Variants in GRM4 observed in about 807,000 individuals in gnomAD.
GRM4 encodes glutamate metabotropic receptor 4.
Under a neutral mutation model 81.7 loss-of-function variants are expected in GRM4, and 28 were observed. The observed-to-expected ratio is 0.34, with a 90% CI of 0.25 to 0.47. The LOEUF (loss-of-function observed/expected upper bound fraction) is 0.47, where lower values mean the gene tolerates loss of function less well. GRM4 is among the 20% of genes least tolerant of loss of function. The pLI is 1.00. For synonymous variants in GRM4, 488 were observed against 528.8 expected, an observed-to-expected ratio of 0.92 and a Z score of 1.06; for missense variants, 948 against 1,290.0, an observed-to-expected ratio of 0.73 and a Z score of 4.06.
chr6:34,132,645 C>A (rs909256015), intron 2 of GRM4, among the ~76,000 whole-genome samples: 4 of 152,192 alleles, frequency 2.6e-5, no homozygotes, highest in Non-Finnish European at 5.9e-5. Flanking sequence ...CCAGAACATC[C>A]TTTTCCTCCT....
chr6:34,139,615 G>C (rs1297510825), intron 1 of GRM4, among the ~76,000 whole-genome samples: 1 of 152,168 alleles, frequency 6.6e-6, no homozygotes, highest in Non-Finnish European at 1.5e-5. Flanking sequence ...CACATTAAAG[G>C]CCTGCATGGA....
chr6:34,113,585 T>C (rs1446797955), intron 2 of GRM4, among the ~76,000 whole-genome samples: 2 of 152,004 alleles, frequency 1.3e-5, no homozygotes, highest in African/African-American at 4.8e-5. Flanking sequence ...GCTTTGAGGA[T>C]TGGGGTGGGA....
intron 2 of GRM4, among the ~76,000 whole-genome samples, chr6:34,127,946 C>A (rs1029772477): frequency 6.6e-6 from 1 of 152,282 alleles, no homozygotes; most frequent in Non-Finnish European, 1.5e-5. Context: ...CCCATAGCCC[C>A]GGCTCCAGAA....
chr6:34,073,538 C>T (rs1437639257), intron 3 of GRM4, among the ~76,000 whole-genome samples: 1 of 152,032 alleles, frequency 6.6e-6, no homozygotes, highest in Non-Finnish European at 1.5e-5. Flanking sequence ...AAATACACCA[C>T]ACACAGACAC....
Position 34,076,349 on chromosome 6 carries a change from C to T in GRM4, c.737-14321G>A, listed in dbSNP as rs557567685. 3.3e-5 allele frequency among the ~76,000 whole-genome samples: 5 copies of T among 152,252 alleles called. 1 individual carries two copies. Among genetic ancestry groups the T allele is most frequent in the Admixed American group, 6.5e-5 (1 of 15,308 alleles). ...TTCTCCTGAGCTAGCCCTTGCCCCTCCTCTTCAGGCCAGGCTAGGAGCAAG... is the reference window on the plus strand; with the variant it reads ...TTCTCCTGAGCTAGCCCTTGCCCCTTCTCTTCAGGCCAGGCTAGGAGCAAG... On this transcript the variant is annotated intron_variant, in intron 3 of 10. Coordinates refer to ENST00000538487, the MANE Select transcript of GRM4 (RefSeq NM_000841.4).
chr6:34,033,008 G>A (rs1159973699), intron 9 of GRM4, among the ~76,000 whole-genome samples: 1 of 152,194 alleles, frequency 6.6e-6, no homozygotes, highest in Non-Finnish European at 1.5e-5. Context: ...CCAGTTTCCT[G>A]GGGTATGGGA....
Position 34,132,969 on chromosome 6 carries a change from G to A in GRM4, c.519+9C>T, listed in dbSNP as rs1286473327. 1.3e-6 allele frequency: 2 copies of A among 1,580,280 alleles called. No homozygotes were observed. The highest frequency in any genetic ancestry group is 2.2e-5 in the East Asian group (1 of 44,480). On this transcript the variant is annotated intron_variant, in intron 2 of 10. Coordinates refer to ENST00000538487, the MANE Select transcript of GRM4 (RefSeq NM_000841.4). ...AAGAGCACCTCAGGGGACCAACCAAGGCACTGACCTTGAAGAGGCGAAGGA... is the reference window on the plus strand; with the variant it reads ...AAGAGCACCTCAGGGGACCAACCAAAGCACTGACCTTGAAGAGGCGAAGGA...
At position 34,078,488 on chromosome 6, in the gene GRM4, C is replaced by A. The variant is rs926606765; in HGVS notation, c.736+13395G>T. On this transcript the variant is annotated intron_variant, in intron 3 of 10. Coordinates refer to ENST00000538487, the MANE Select transcript of GRM4 (RefSeq NM_000841.4). This position sits in a 1 kb window ranked among gnomAD's most constrained non-coding sequence, Gnocchi z 4.8. ...CGGTCCACACCTTCCCTTCTTCCAC[C>A]CCGTCTTCTTCCCCACCTCCACCTT... 4.6e-5 allele frequency among the ~76,000 whole-genome samples: 7 copies of A among 152,160 alleles called. No individual in the cohort carries two copies. In the East Asian group the frequency reaches 1.3e-3, roughly 29 times the overall value.
At position 34,089,705 on chromosome 6, in the gene GRM4, T is replaced by C. The variant is rs959696399; in HGVS notation, c.736+2178A>G. On this transcript the variant is annotated intron_variant, in intron 3 of 10. Transcript: ENST00000538487. The surrounding 1 kb of genome is among the most constrained non-coding windows in gnomAD (Gnocchi z 4.3). The stretch of plus-strand genomic sequence containing the variant: ...TGAAGTCCTTTTAAAAAATCTTGAG[T>C]AGACTTTATTTTTTCTAACCGCCCA... Among the ~76,000 whole-genome samples the C allele has an allele frequency of 6.6e-6, 1 of 152,088 alleles. No homozygotes were observed. The highest frequency in any genetic ancestry group is 2.4e-5 in the African/African-American group (1 of 41,380).
chr6:34,105,988 GC>G (rs1251360991), intron 2 of GRM4: 3 of 152,292 alleles, frequency 2.0e-5, no homozygotes, highest in Non-Finnish European at 2.9e-5. Context: ...TCACAACAGG[GC>G]CCTTAGCCTC....
intron 4 of GRM4, 190 bp downstream of exon 4, chr6:34,061,703 G>T: frequency 1.9e-6 from 1 of 537,062 alleles, no homozygotes; most frequent in Non-Finnish European, 3.3e-6. Context: ...GGGAAGGAGT[G>T]CCCCATAGCA....
chr6:34,143,532 G>A (rs746054132), intron 1 of GRM4, among the ~76,000 whole-genome samples: 2 of 152,200 alleles, frequency 1.3e-5, no homozygotes, highest in Non-Finnish European at 2.9e-5. Context: ...CCTCCGAAAG[G>A]GCTCCTGCTA....
intron 6 of GRM4, among the ~76,000 whole-genome samples, chr6:34,045,857 T>C (rs1350811062): frequency 6.6e-6 from 1 of 152,146 alleles, no homozygotes; most frequent in East Asian, 1.9e-4. Flanking sequence ...GTAGCAACAG[T>C]TTGAAGATGT....
intron 3 of GRM4, 132 bp downstream of exon 3, chr6:34,091,751 C>T (rs1269103745): frequency 1.0e-5 from 7 of 673,780 alleles, no homozygotes; most frequent in South Asian, 3.5e-5. Flanking sequence ...AAGAAGAGGC[C>T]GAGGCCCACC....
At position 34,070,803 on chromosome 6, in the gene GRM4, C is replaced by G. The variant is rs1766785553; in HGVS notation, c.737-8775G>C. Among the ~76,000 whole-genome samples, 1 of 126,886 alleles carries G rather than the reference C, an allele frequency of 7.9e-6. No homozygotes were observed. The highest frequency in any genetic ancestry group is 4.3e-5 in the African/African-American group (1 of 23,508). 83.2% of individuals were successfully genotyped at this position (126,886 alleles called of 152,430 possible). Reference sequence around the variant, plus strand: ...CGCCACACCCCCAGCCACACACACACACACACACACACACACGGCAATGCA... The same window carrying G: ...CGCCACACCCCCAGCCACACACACAGACACACACACACACACGGCAATGCA... On this transcript the variant is annotated intron_variant, in intron 3 of 10. Transcript: ENST00000538487. This position sits in a 1 kb window ranked among gnomAD's most constrained non-coding sequence, Gnocchi z 4.6.
In GRM4 at chr6:34,074,155, C is replaced by G. The variant is rs576292274; in HGVS notation, c.737-12127G>C. Among the ~76,000 whole-genome samples the G allele has an allele frequency of 5.9e-5, 9 of 152,128 alleles. No individual in the cohort carries two copies. The highest frequency in any genetic ancestry group is 1.3e-4 in the Non-Finnish European group (9 of 67,988). ...GGAAGAAGAGGGGGACACAGACATACGACAGCCAGACTAGTGTGATATGAG... is the reference window on the plus strand; with the variant it reads ...GGAAGAAGAGGGGGACACAGACATAGGACAGCCAGACTAGTGTGATATGAG... On this transcript the variant is annotated intron_variant, in intron 3 of 10. Coordinates refer to ENST00000538487, the MANE Select transcript of GRM4 (RefSeq NM_000841.4). This position sits in a 1 kb window ranked among gnomAD's most constrained non-coding sequence, Gnocchi z 4.9.
In GRM4 at chr6:34,078,315, A is replaced by C. The variant is rs1318571856; in HGVS notation, c.736+13568T>G. The stretch of plus-strand genomic sequence containing the variant: ...AATACACACTCTCTTCGATCATTGC[A>C]CAGCCCCTCATGTTCACACAGCACT... On this transcript the variant is annotated intron_variant, in intron 3 of 10. Coordinates refer to ENST00000538487, the MANE Select transcript of GRM4 (RefSeq NM_000841.4). This position sits in a 1 kb window ranked among gnomAD's most constrained non-coding sequence, Gnocchi z 4.8. Among the ~76,000 whole-genome samples, 1 of 151,834 alleles carries C rather than the reference A, an allele frequency of 6.6e-6. No homozygotes were observed. Among genetic ancestry groups the C allele is most frequent in the Non-Finnish European group, 1.5e-5 (1 of 67,982 alleles).
At chr6:34,045,154 G>A (rs1404088456) in intron 6 of GRM4, among the ~76,000 whole-genome samples, 1 of 152,224 alleles carries the variant, frequency 6.6e-6, no homozygotes, top group Non-Finnish European at 1.5e-5. Flanking sequence ...GGGCATGTAG[G>A]GGAGGGGTGG....
intron 2 of GRM4, among the ~76,000 whole-genome samples, chr6:34,109,916 C>T (rs1411508545): frequency 2.1e-5 from 3 of 144,708 alleles, no homozygotes; most frequent in Non-Finnish European, 4.6e-5. Flanking sequence ...CTCTTTGACT[C>T]TCTGCTCCAT....
Sources: gnomAD v4.1 joint callset for allele counts (sites outside exome capture counted in the v4.1 genomes callset) on GRCh38, gnomAD v4.1.1 for gene constraint, Gnocchi (gnomAD v3.1) non-coding constraint, MANE v1.5 for transcripts, NCBI Gene and HGNC (gene_info 2026-07-23, HGNC 2026-07-21) for gene names.